UTP4: variants seen among roughly 807,000 people sequenced by gnomAD.
UTP4 encodes U3 small nucleolar RNA-associated protein 4 homolog.
Under a neutral mutation model 82.4 loss-of-function variants are expected in UTP4, and 45 were observed. The ratio of observed to expected loss-of-function variants is 0.55; its 90% confidence interval spans 0.43 to 0.70. The LOEUF (loss-of-function observed/expected upper bound fraction) is 0.70. UTP4 is among the 30% of genes least tolerant of loss of function. The pLI, the probability that UTP4 is intolerant of heterozygous loss-of-function variation, is 0.00. For synonymous variants in UTP4, 348 were observed against 300.3 expected (o/e 1.16, Z -1.64); for missense variants, 819 against 858.3 (o/e 0.95, Z 0.57).
rs772678195 is a variant in UTP4 at position 69,154,358 on chromosome 16, C to T, written c.1100-35C>T. On this transcript the variant is annotated intron_variant, in intron 9 of 16. Transcript: ENST00000314423. ...AAAAATGTACAAATACTCTTTCTTTCATAAGAAAAATCTCAGGGAAGTTTC... is the reference window on the plus strand; with the variant it reads ...AAAAATGTACAAATACTCTTTCTTTTATAAGAAAAATCTCAGGGAAGTTTC... The T allele has an allele frequency of 3.3e-6, 5 of 1,519,614 alleles. No individual in the cohort carries two copies. In the East Asian group the frequency reaches 6.8e-5, roughly 21 times the overall value. 94.1% of individuals were successfully genotyped at this position (1,519,614 alleles called of 1,614,324 possible).
At chr16:69,152,935 T>G (rs1482569509) in intron 8 of UTP4, among the ~76,000 whole-genome samples, 1 of 152,222 alleles carries the variant, frequency 6.6e-6, no homozygotes, top group African/African-American at 2.4e-5. Context: ...TTGATCTGTT[T>G]TAAAGCACCT....
chr16:69,160,998 G>A (rs770337155), intron 13 of UTP4, among the ~76,000 whole-genome samples: 17 of 152,262 alleles, frequency 1.1e-4, no homozygotes, highest in Middle Eastern at 3.4e-3. Flanking sequence ...GCAGCTAATG[G>A]AAACAGTGAA....
At position 69,168,813 on chromosome 16, in the gene UTP4, C is replaced by G. The variant is rs775691617; in HGVS notation, c.1945-8C>G. On this transcript the variant is annotated splice_region_variant and splice_polypyrimidine_tract_variant and intron_variant, in intron 16 of 16. Coordinates refer to ENST00000314423, the MANE Select transcript of UTP4 (RefSeq NM_032830.3). The stretch of plus-strand genomic sequence containing the variant: ...AGTCCTGATAGAATAATTATCATCC[C>G]TCTGCAGCCTCTACTCTTCATGGAT... 15 of 1,561,034 alleles carry G rather than the reference C, an allele frequency of 9.6e-6. No individual in the cohort carries two copies. The highest frequency in any genetic ancestry group is 1.3e-5 in the Non-Finnish European group (15 of 1,131,548).
chr16:69,156,032 C>A (rs752923880), intron 11 of UTP4, 39 bp downstream of exon 11: 2 of 1,605,602 alleles, frequency 1.2e-6, no homozygotes, highest in South Asian at 1.1e-5. Context: ...TAAGAGGAAA[C>A]TTCCTAAATA....
Position 69,168,954 on chromosome 16 carries a change from T to G in UTP4, c.*17T>G. On this transcript the variant is annotated 3_prime_UTR_variant, in exon 17 of 17. Coordinates refer to ENST00000314423, the MANE Select transcript of UTP4 (RefSeq NM_032830.3). ...GGAACCTAAAACAGGGCACTGTCTG[T>G]GTCCTTCCTTGAACTGTCTACCCTG... 1 of 1,449,500 alleles carries G rather than the reference T, an allele frequency of 6.9e-7. No homozygotes were observed. Among genetic ancestry groups the G allele is most frequent in the Non-Finnish European group, 9.7e-7 (1 of 1,029,670 alleles). The allele number at this position is 1,449,500 out of a possible 1,614,324, so 89.8% of individuals were successfully genotyped here.
At position 69,133,466 on chromosome 16, in the gene UTP4, G is replaced by A. The variant is rs373005279; in HGVS notation, c.7G>A (p.Glu3Lys). 73 of 1,614,010 alleles carry A rather than the reference G, an allele frequency of 4.5e-5. No homozygotes were observed. Among genetic ancestry groups the A allele is most frequent in the Non-Finnish European group, 6.0e-5 (71 of 1,180,008 alleles). MG[E>K]FKVHRVRFFN... Reference sequence around the variant, plus strand: ...CTCTTTTCGCCCCCTAGGAATGGGTGAATTTAAGGTCCATCGAGTACGTTT... The same window carrying A: ...CTCTTTTCGCCCCCTAGGAATGGGTAAATTTAAGGTCCATCGAGTACGTTT... The change falls in exon 2 of 17, where the codon GAA becomes AAA. Residue 3 changes from glutamate to lysine, a missense_variant. Physicochemically the swap from Glu to Lys is moderately conservative, Grantham distance 56. Coordinates refer to ENST00000314423, the MANE Select transcript of UTP4 (RefSeq NM_032830.3).
At chr16:69,162,259 G>A (rs1215255251) in intron 13 of UTP4, among the ~76,000 whole-genome samples, 3 of 151,092 alleles carry the variant, frequency 2.0e-5, no homozygotes, top group South Asian at 4.3e-4. Context: ...GAGCCACTGC[G>A]CCCGGCCAAC....
chr16:69,143,271 G>A lies in UTP4; in HGVS notation c.620G>A (p.Gly207Asp). The A allele has an allele frequency of 6.2e-7, 1 of 1,614,170 alleles. No individual in the cohort carries two copies. The highest frequency in any genetic ancestry group is 1.1e-5 in the South Asian group (1 of 91,084). The change falls in exon 6 of 17, where the codon GGC becomes GAC. Residue 207 changes from glycine to aspartate, a missense_variant. Physicochemically the swap from Gly to Asp is moderately conservative, Grantham distance 94. Transcript: ENST00000314423. ...TGGGGTGTCGCCTTCTTGTCCGATG[G>A]CACTATCATAAGTGTGGACTCTGCT... ...IVWGVAFLSD[G>D]TIISVDSAGK... is the part of the protein sequence containing the mutation.
Position 69,153,468 on chromosome 16 carries a change from A to G in UTP4, c.1003-116A>G. 5.3e-6 allele frequency: 4 copies of G among 750,948 alleles called. No individual in the cohort carries two copies. In the South Asian group the frequency reaches 5.9e-5, roughly 11 times the overall value. 46.5% of individuals were successfully genotyped at this position (750,948 alleles called of 1,614,324 possible). On this transcript the variant is annotated intron_variant, in intron 8 of 16. Coordinates refer to ENST00000314423, the MANE Select transcript of UTP4 (RefSeq NM_032830.3). Reference sequence around the variant, plus strand: ...ATATGGGAGTACTTAGGAAATATTTATCAAGGAAATGGATTTCAGCAGTAA... The same window carrying G: ...ATATGGGAGTACTTAGGAAATATTTGTCAAGGAAATGGATTTCAGCAGTAA...
intron 2 of UTP4, among the ~76,000 whole-genome samples, chr16:69,135,462 C>G (rs911702910): frequency 2.6e-5 from 4 of 152,052 alleles, no homozygotes; most frequent in Non-Finnish European, 5.9e-5. Context: ...CCTGTAAACC[C>G]AGCGCTTTGG....
chr16:69,141,615 G>A (rs998250415), intron 5 of UTP4, among the ~76,000 whole-genome samples: 3 of 151,974 alleles, frequency 2.0e-5, no homozygotes, highest in Non-Finnish European at 4.4e-5. Context: ...CAATACCCAC[G>A]TCCTTCAGTT....
chr16:69,132,701 A>G lies in UTP4; in HGVS notation c.-3+12A>G, dbSNP rs1249662472. 1 of 313,030 alleles carries G rather than the reference A, an allele frequency of 3.2e-6. No individual in the cohort carries two copies. The highest frequency in any genetic ancestry group is 4.9e-5 in the Admixed American group (1 of 20,322). 19.4% of individuals were successfully genotyped at this position (313,030 alleles called of 1,614,324 possible). On this transcript the variant is annotated intron_variant, in intron 1 of 16. Coordinates refer to ENST00000314423, the MANE Select transcript of UTP4 (RefSeq NM_032830.3). ...GCGTGGGGCCGCTGGTGAGTTGGGG[A>G]AGGGGCGTGGGAAGCGGCTGCGAGA...
At chr16:69,138,158 C>A in intron 4 of UTP4, 1 of 456,300 alleles carries the variant, frequency 2.2e-6, no homozygotes, top group Non-Finnish European at 3.9e-6. Flanking sequence ...TTATCACTTA[C>A]TTTTGTGATG....
At chr16:69,152,542 T>C (rs906958951) in intron 8 of UTP4, among the ~76,000 whole-genome samples, 1 of 148,102 alleles carries the variant, frequency 6.8e-6, no homozygotes, top group Admixed American at 6.9e-5. Context: ...AAATCTCGGC[T>C]CACTGCAACC....
chr16:69,156,007 C>T lies in UTP4; in HGVS notation c.1287+14C>T, dbSNP rs557125344. 8.7e-6 allele frequency: 14 copies of T among 1,613,712 alleles called. No individual in the cohort carries two copies. The South Asian group carries it at 1.5e-4, about 18-fold the overall frequency. On this transcript the variant is annotated intron_variant, in intron 11 of 16. Transcript: ENST00000314423. ...AGCCTCAAAAGGGTAAGTGATAGTCCAATATCTGGTCACATAAGAGGAAAC... is the reference window on the plus strand; with the variant it reads ...AGCCTCAAAAGGGTAAGTGATAGTCTAATATCTGGTCACATAAGAGGAAAC...
Position 69,157,197 on chromosome 16 carries a change from A to T in UTP4, c.1401A>T (p.Ser467=), listed in dbSNP as rs1963440330. 1 of 1,614,210 alleles carries T rather than the reference A, an allele frequency of 6.2e-7. No homozygotes were observed. Among genetic ancestry groups the T allele is most frequent in the Non-Finnish European group, 8.5e-7 (1 of 1,180,046 alleles). The change falls in exon 12 of 17, where the codon TCA becomes TCT. Residue 467 remains serine (S), a synonymous_variant. Transcript: ENST00000314423. ...GAGCTCTGCATATTGTTCAGCTGTC[A>T]GGAGGAAGCTTCAAGCACCTGCATG... is the stretch of plus-strand genomic sequence containing the variant. ...NQGALHIVQL[S]GGSFKHLHAF...
intron 14 of UTP4, 115 bp downstream of exon 14, chr16:69,163,293 G>A: frequency 1.2e-6 from 1 of 837,350 alleles, no homozygotes; most frequent in Non-Finnish European, 2.0e-6. Context: ...ATATAAGGTA[G>A]TTTTCTCCTG....
intron 2 of UTP4, among the ~76,000 whole-genome samples, chr16:69,134,506 CAA>C (rs1462534270): frequency 4.3e-5 from 3 of 69,592 alleles, no homozygotes; most frequent in Admixed American, 3.7e-4. Context: ...TCAGGGAAGG[CAA>C]TTCAGAGAAT....
chr16:69,168,953 G>A lies in UTP4; in HGVS notation c.*16G>A, dbSNP rs777315956. ...TGGAACCTAAAACAGGGCACTGTCTGTGTCCTTCCTTGAACTGTCTACCCT... is the reference window on the plus strand; with the variant it reads ...TGGAACCTAAAACAGGGCACTGTCTATGTCCTTCCTTGAACTGTCTACCCT... On this transcript the variant is annotated 3_prime_UTR_variant, in exon 17 of 17. Coordinates refer to ENST00000314423, the MANE Select transcript of UTP4 (RefSeq NM_032830.3). The A allele has an allele frequency of 1.4e-6, 2 of 1,472,992 alleles. No homozygotes were observed. Among genetic ancestry groups the A allele is most frequent in the South Asian group, 1.1e-5 (1 of 88,262 alleles). 91.2% of individuals were successfully genotyped at this position (1,472,992 alleles called of 1,614,324 possible). A position where few individuals can be genotyped will look rare whatever the true frequency, so the allele number is the denominator to read the frequency against.
Sources: gnomAD v4.1 joint callset for allele counts (sites outside exome capture counted in the v4.1 genomes callset) on GRCh38, gnomAD v4.1.1 for gene constraint, MANE v1.5 for transcripts, NCBI Gene and HGNC (gene_info 2026-07-23, HGNC 2026-07-21) for gene names.